The following LRRC38 variants were observed in gnomAD, a reference collection of about 807,000 sequenced individuals.
The protein encoded by LRRC38 is leucine-rich repeat-containing protein 38.
In LRRC38, 5 loss-of-function variants were observed where a neutral mutation model predicts 16.4. The observed-to-expected ratio is 0.31, with a 90% confidence interval of 0.16 to 0.64. The LOEUF is 0.64. LRRC38 is among the 30% of genes least tolerant of loss of function. The pLI, the probability that LRRC38 is intolerant of heterozygous loss-of-function variation, is 0.80. For missense variants in LRRC38, 341 were observed against 401.8 expected (o/e 0.85, Z 1.29); for synonymous variants, 191 against 190.2 (o/e 1.00, Z -0.04).
At chr1:13,485,552 C>T (rs936094498) in intron 1 of LRRC38, among the ~76,000 whole-genome samples, 4 of 151,106 alleles carry the variant, frequency 2.6e-5, no homozygotes, top group African/African-American at 7.3e-5. Context: ...TGGGCGAGAG[C>T]GAGACTCCAT....
chr1:13,484,207 G>A (rs901051306), intron 1 of LRRC38, among the ~76,000 whole-genome samples: 4 of 152,036 alleles, frequency 2.6e-5, no homozygotes, highest in African/African-American at 9.7e-5. Context: ...CTTTTCGTCA[G>A]GTGACTAGGC....
At chr1:13,500,239 A>G (rs576250608) in intron 1 of LRRC38, among the ~76,000 whole-genome samples, 1 of 119,928 alleles carries the variant, frequency 8.3e-6, no homozygotes, top group East Asian at 2.4e-4. Flanking sequence ...CGGGCGACAG[A>G]GTGAGACTCT....
At chr1:13,506,639 A>C (rs1200606704) in intron 1 of LRRC38, among the ~76,000 whole-genome samples, 1 of 152,054 alleles carries the variant, frequency 6.6e-6, no homozygotes, top group Non-Finnish European at 1.5e-5. Flanking sequence ...TAGTATTTTT[A>C]GTAGAGATGG....
At chr1:13,477,859 G>A (rs946099432) in intron 1 of LRRC38, among the ~76,000 whole-genome samples, 4 of 152,186 alleles carry the variant, frequency 2.6e-5, no homozygotes, top group Admixed American at 1.3e-4. Context: ...AGCATTCAGG[G>A]AACACAATGT....
At chr1:13,502,056 CAGTGGGGACTA>C (rs1410988367) in intron 1 of LRRC38, among the ~76,000 whole-genome samples, 11 of 151,662 alleles carry the variant, frequency 7.3e-5, no homozygotes, top group African/African-American at 2.7e-4. Flanking sequence ...GCCTCCCCAG[CAGTGGGGACTA>C]CAGGGGCACG....
intron 1 of LRRC38, among the ~76,000 whole-genome samples, chr1:13,476,504 T>A (rs889049455): frequency 6.6e-6 from 1 of 152,132 alleles, no homozygotes; most frequent in Non-Finnish European, 1.5e-5. Context: ...AATTTTAGTA[T>A]TTTTAGTAGA....
chr1:13,481,430 C>T (rs1391775260), intron 1 of LRRC38, among the ~76,000 whole-genome samples: 8 of 148,176 alleles, frequency 5.4e-5, no homozygotes, highest in South Asian at 2.1e-4. Context: ...CTCGCTCTGT[C>T]GCCCAGGCTG....
intron 1 of LRRC38, among the ~76,000 whole-genome samples, chr1:13,509,373 G>A (rs745799575): frequency 1.3e-5 from 2 of 152,126 alleles, no homozygotes; most frequent in Non-Finnish European, 2.9e-5. Flanking sequence ...TCCCAGGCAT[G>A]TTCTGGGCTG....
At chr1:13,488,390 G>T (rs2100499572) in intron 1 of LRRC38, among the ~76,000 whole-genome samples, 1 of 151,818 alleles carries the variant, frequency 6.6e-6, no homozygotes, top group East Asian at 1.9e-4. Flanking sequence ...TCCCGCCTCA[G>T]CCTCCTGAGC....
At chr1:13,495,371 C>T (rs1304936215) in intron 1 of LRRC38, among the ~76,000 whole-genome samples, 1 of 151,820 alleles carries the variant, frequency 6.6e-6, no homozygotes, top group Non-Finnish European at 1.5e-5. Flanking sequence ...GACAAGGATC[C>T]GTTGTGAGCA....
At chr1:13,497,408 C>T (rs1639091772) in intron 1 of LRRC38, among the ~76,000 whole-genome samples, 1 of 152,096 alleles carries the variant, frequency 6.6e-6, no homozygotes, top group African/African-American at 2.4e-5. Flanking sequence ...TTTGGGTTCT[C>T]AGCCTGAAGC....
intron 1 of LRRC38, among the ~76,000 whole-genome samples, chr1:13,484,813 A>C (rs1253731274): frequency 6.6e-6 from 1 of 152,202 alleles, no homozygotes; most frequent in Non-Finnish European, 1.5e-5. Flanking sequence ...TCTACAAAAC[A>C]AACTCTGCAG....
intron 1 of LRRC38, among the ~76,000 whole-genome samples, chr1:13,512,599 C>A (rs1557507248): frequency 6.6e-6 from 1 of 152,040 alleles, no homozygotes; most frequent in Non-Finnish European, 1.5e-5. Context: ...ACGGCCGTTT[C>A]CCATAGAGTA....
chr1:13,481,736 TCTGTCTCTGCCTCTCACTTTCTTTC>T (rs1638862175), intron 1 of LRRC38, among the ~76,000 whole-genome samples: 3 of 149,944 alleles, frequency 2.0e-5, no homozygotes, highest in African/African-American at 7.4e-5. Context: ...GCTCTCCCAA[TCTGTCTCTGCCTCTCACTTTCTTTC>T]CCTCTCTCTC....
At chr1:13,503,651 G>A (rs2100518469) in intron 1 of LRRC38, among the ~76,000 whole-genome samples, 1 of 152,296 alleles carries the variant, frequency 6.6e-6, no homozygotes, top group Non-Finnish European at 1.5e-5. Flanking sequence ...GACCCTGGGG[G>A]CATCTGGGGT....
rs1042165164 is a variant in LRRC38 at position 13,475,486 on chromosome 1, C to T, written c.*360G>A. Reference sequence around the variant, plus strand: ...CCAGTACAGGTCAGAAAAAGAATGGCGTAAAATCATCTTTGCCATTGAAAG... The same window carrying T: ...CCAGTACAGGTCAGAAAAAGAATGGTGTAAAATCATCTTTGCCATTGAAAG... On this transcript the variant is annotated 3_prime_UTR_variant, in exon 2 of 2. Transcript: ENST00000376085. The surrounding 1 kb of genome is among the most constrained non-coding windows in gnomAD (Gnocchi z 4.3). 1.2e-4 allele frequency: 28 copies of T among 240,128 alleles called. No homozygotes were observed. Among genetic ancestry groups the T allele is most frequent in the Admixed American group, 5.4e-4 (11 of 20,478 alleles). The allele number at this position is 240,128 out of a possible 1,614,324, so 14.9% of individuals were successfully genotyped here. A position where few individuals can be genotyped will look rare whatever the true frequency, so the allele number is the denominator to read the frequency against.
intron 1 of LRRC38, among the ~76,000 whole-genome samples, chr1:13,502,181 T>A (rs553420301): frequency 1.4e-3 from 206 of 150,874 alleles, no homozygotes; most frequent in Non-Finnish European, 1.5e-3. Context: ...CCTCAGGTAA[T>A]CTGCCCGCCT....
rs1354956572 is a variant in LRRC38 at position 13,511,123 on chromosome 1, G to A, written c.631+1840C>T. Among the ~76,000 whole-genome samples the A allele has an allele frequency of 5.3e-5, 8 of 152,178 alleles. No homozygotes were observed. In the East Asian group the frequency reaches 7.8e-4, roughly 15 times the overall value. ...TCTGAACCTGTCCATCCTTCCTCCC[G>A]TCTTTCCTATCTGAGTCCAGTTTCT... On this transcript the variant is annotated intron_variant, in intron 1 of 1. Coordinates refer to ENST00000376085, the MANE Select transcript of LRRC38 (RefSeq NM_001010847.2).
At chr1:13,511,214 T>A (rs989431594) in intron 1 of LRRC38, among the ~76,000 whole-genome samples, 3 of 152,174 alleles carry the variant, frequency 2.0e-5, no homozygotes, top group African/African-American at 7.2e-5. Context: ...TTCACTCACA[T>A]CACCTTGTTT....
Sources: allele counts gnomAD v4.1 joint callset (sites outside exome capture counted in the v4.1 genomes callset), GRCh38; gene constraint gnomAD v4.1.1; non-coding constraint Gnocchi (gnomAD v3.1); transcripts MANE v1.5; gene names NCBI Gene and HGNC (gene_info 2026-07-23, HGNC 2026-07-21).